ANK2: variants seen among roughly 807,000 people sequenced by gnomAD.
ANK2 encodes ankyrin 2, also known as ankyrin-2.
Under a neutral mutation model 360.5 loss-of-function variants are expected in ANK2, and 83 were observed. The observed-to-expected ratio is 0.23, with a 90% confidence interval of 0.19 to 0.28. The LOEUF is 0.28. Ranked by LOEUF, ANK2 falls within the 10% of genes least tolerant of loss-of-function variation. The pLI is 1.00. For synonymous variants in ANK2, 1,740 were observed against 1,759.5 expected (o/e 0.99, Z 0.28); for missense variants, 4,201 against 4,795.7 (o/e 0.88, Z 3.66).
intron 11 of ANK2, among the ~76,000 whole-genome samples, chr4:113,256,273 G>T (rs143954838): frequency 3.7e-4 from 57 of 152,194 alleles, no homozygotes; most frequent in African/African-American, 1.3e-3. Context: ...GATACCTCTA[G>T]ATAAAGTTAG....
chr4:112,787,112 C>T, the ANK2 span, among the ~76,000 whole-genome samples: 1 of 152,244 alleles, frequency 6.6e-6, no homozygotes, highest in Admixed American at 6.5e-5. Flanking sequence ...TAATTTATTT[C>T]TATTTAATCT....
the ANK2 span, among the ~76,000 whole-genome samples, chr4:112,743,928 A>T: frequency 6.6e-6 from 1 of 151,520 alleles, no homozygotes; most frequent in Non-Finnish European, 1.5e-5. Flanking sequence ...TGCCGGGTTC[A>T]TCCAATTCTC....
chr4:112,882,578 G>T (rs2076994817), intron 1 of ANK2, among the ~76,000 whole-genome samples: 1 of 152,088 alleles, frequency 6.6e-6, no homozygotes. Context: ...AAGAATGTTG[G>T]TTCAGGATCA....
At chr4:113,311,122 T>A (rs2079731708) in intron 23 of ANK2, 133 bp from the exon 24 acceptor site, 1 of 1,087,048 alleles carries the variant, frequency 9.2e-7, no homozygotes. Flanking sequence ...GCTGGTGTTC[T>A]GTGTTCTAGT....
At chr4:113,014,954 G>C (rs1345447273) in intron 2 of ANK2, among the ~76,000 whole-genome samples, 1 of 146,482 alleles carries the variant, frequency 6.8e-6, no homozygotes, top group Non-Finnish European at 1.5e-5. Flanking sequence ...CGCCCGCCGG[G>C]TTCACGCCAT....
chr4:112,897,690 G>A (rs1319055505), intron 1 of ANK2, among the ~76,000 whole-genome samples: 1 of 152,120 alleles, frequency 6.6e-6, no homozygotes, highest in Non-Finnish European at 1.5e-5. Context: ...CATCTGCTTG[G>A]TGAGTGGCTT....
intron 1 of ANK2, among the ~76,000 whole-genome samples, chr4:113,060,868 C>G (rs966684862): frequency 6.6e-6 from 1 of 152,020 alleles, no homozygotes; most frequent in Non-Finnish European, 1.5e-5. Context: ...GTATTTCCAT[C>G]TGCACTTCAA....
chr4:113,353,317 A>C lies in ANK2; in HGVS notation c.4699A>C (p.Arg1567=). The C allele has an allele frequency of 6.2e-7, 1 of 1,613,898 alleles. No individual in the cohort carries two copies. Among genetic ancestry groups the C allele is most frequent in the Non-Finnish European group, 8.5e-7 (1 of 1,179,880 alleles). The part of the protein sequence containing the change: ...EDLEKVNEIL[R]SGTCTRDESS... ...CTTAGAGAAAGTGAATGAAATCCTGAGAAGTGGAACCTGCACAAGAGATGA... is the reference window on the plus strand; with the variant it reads ...CTTAGAGAAAGTGAATGAAATCCTGCGAAGTGGAACCTGCACAAGAGATGA... Residue 1567 remains arginine (R), a synonymous_variant, in exon 38 of 46, where the codon AGA becomes CGA. Coordinates refer to ENST00000357077, the MANE Select transcript of ANK2 (RefSeq NM_001148.6).
the ANK2 span, among the ~76,000 whole-genome samples, chr4:112,789,434 C>T: frequency 6.6e-6 from 1 of 152,140 alleles, no homozygotes; most frequent in East Asian, 1.9e-4. Flanking sequence ...CAGCAGGTCA[C>T]ATGGCTACCA....
At chr4:112,884,973 A>G (rs1365608750) in intron 1 of ANK2, among the ~76,000 whole-genome samples, 3 of 152,204 alleles carry the variant, frequency 2.0e-5, no homozygotes, top group African/African-American at 7.2e-5. Flanking sequence ...GAAGCCATGT[A>G]TTATACTTCC....
intron 2 of ANK2, among the ~76,000 whole-genome samples, chr4:112,999,276 C>A (rs910573615): frequency 7.6e-6 from 1 of 132,440 alleles, no homozygotes; most frequent in African/African-American, 3.2e-5. Context: ...AACTATAATA[C>A]TTTATTTTTG....
the ANK2 span, among the ~76,000 whole-genome samples, chr4:112,750,260 C>T: frequency 1.3e-5 from 2 of 151,862 alleles, no homozygotes; most frequent in Non-Finnish European, 2.9e-5. Flanking sequence ...GAGGAAACCC[C>T]ATATTCACGA....
chr4:112,814,424 CGTTTTTTT>C (rs70958488), upstream of ANK2, among the ~76,000 whole-genome samples: 43,456 of 150,084 alleles, frequency 0.29, 6,418 homozygotes, highest in East Asian at 0.37. Flanking sequence ...GACTGGAGAG[CGTTTTTTT>C]GTTTTTTTGT....
At chr4:112,734,276 CT>C in the ANK2 span, among the ~76,000 whole-genome samples, 46 of 152,320 alleles carry the variant, frequency 3.0e-4, 1 homozygote, top group African/African-American at 9.1e-4. Context: ...ACTTTCTAAT[CT>C]TTTGGAGAAG....
intron 2 of ANK2, chr4:113,031,330 A>C (rs1033839333): frequency 6.6e-6 from 1 of 152,054 alleles, no homozygotes; most frequent in Non-Finnish European, 1.5e-5. Flanking sequence ...GGAGATATTT[A>C]TCTTTCCCTG....
intron 1 of ANK2, among the ~76,000 whole-genome samples, chr4:112,858,791 T>C (rs2150068840): frequency 6.6e-6 from 1 of 152,350 alleles, no homozygotes; most frequent in African/African-American, 2.4e-5. Context: ...AATCCTTTTT[T>C]CTTTTTTCCC....
intron 2 of ANK2, among the ~76,000 whole-genome samples, chr4:112,949,803 C>T (rs757462779): frequency 5.3e-5 from 8 of 151,908 alleles, no homozygotes; most frequent in Non-Finnish European, 7.4e-5. Flanking sequence ...AATTAGCATT[C>T]GTAACAATTA....
intron 2 of ANK2, among the ~76,000 whole-genome samples, chr4:113,018,043 G>T (rs933936299): frequency 6.6e-6 from 1 of 152,200 alleles, no homozygotes; most frequent in Non-Finnish European, 1.5e-5. Context: ...GGAATTCATC[G>T]CAATTTTTGA....
At chr4:113,176,616 TTTTTA>T (rs1306651190) in intron 2 of ANK2, among the ~76,000 whole-genome samples, 12 of 151,930 alleles carry the variant, frequency 7.9e-5, no homozygotes, top group African/African-American at 2.4e-4. Flanking sequence ...TATTTATTTA[TTTTTA>T]TTTTATTTTA....
Sources: allele counts gnomAD v4.1 joint callset (sites outside exome capture counted in the v4.1 genomes callset), GRCh38; gene constraint gnomAD v4.1.1; transcripts MANE v1.5; gene names NCBI Gene and HGNC (gene_info 2026-07-23, HGNC 2026-07-21).